Variants in RSL1D1 observed in about 807,000 individuals in gnomAD.
RSL1D1 encodes the protein ribosomal L1 domain containing 1.
Under a neutral mutation model 44.6 loss-of-function variants are expected in RSL1D1, and 34 were observed. The observed-to-expected ratio is 0.76, with a 90% CI of 0.58 to 1.02. The LOEUF (loss-of-function observed/expected upper bound fraction) is 1.02. Among genes scored for constraint, RSL1D1 ranks in the 50% least tolerant of loss-of-function variants. RSL1D1 has a pLI of 0.00. For missense variants in RSL1D1, 767 were observed against 568.1 expected (o/e 1.35, Z -3.56); for synonymous variants, 271 against 207.4 (o/e 1.31, Z -2.63).
At chr16:11,839,583 GT>G in intron 8 of RSL1D1, 111 bp downstream of exon 8, 1 of 1,342,938 alleles carries the variant, frequency 7.4e-7, no homozygotes, top group Non-Finnish European at 9.9e-7. Flanking sequence ...CACCTTCACA[GT>G]TCTTTGGGTT....
chr16:11,837,765 C>T lies in RSL1D1; in HGVS notation c.*22G>A, dbSNP rs764718878. Reference sequence around the variant, plus strand: ...AGCTCTGGAGGCAGCATTGAGGTTTCCTTCCAGTTGAATCACTGACTTTAG... The same window carrying T: ...AGCTCTGGAGGCAGCATTGAGGTTTTCTTCCAGTTGAATCACTGACTTTAG... On this transcript the variant is annotated 3_prime_UTR_variant, in exon 9 of 9. Transcript: ENST00000571133. 1.5e-5 allele frequency: 24 copies of T among 1,577,240 alleles called. No individual in the cohort carries two copies. The highest frequency in any genetic ancestry group is 7.5e-5 in the Admixed American group (4 of 53,138).
chr16:11,844,901 C>A (rs2053787239), intron 5 of RSL1D1, among the ~76,000 whole-genome samples: 1 of 152,196 alleles, frequency 6.6e-6, no homozygotes, highest in Non-Finnish European at 1.5e-5. Context: ...CACTTCTCAG[C>A]CTAATAAAAT....
chr16:11,843,694 C>A lies in RSL1D1; in HGVS notation c.636-1694G>T, dbSNP rs545522122. ...CCATCCTGGTTAACATGGTAAAACA[C>A]CGTCTCTACTAAAAAAATACAAAAA... On this transcript the variant is annotated intron_variant, in intron 5 of 8. Coordinates refer to ENST00000571133, the MANE Select transcript of RSL1D1 (RefSeq NM_015659.3). Among the ~76,000 whole-genome samples, 136 of 151,648 alleles carry A rather than the reference C, an allele frequency of 9.0e-4. 1 individual carries two copies. Among genetic ancestry groups the A allele is most frequent in the African/African-American group, 3.0e-3 (123 of 41,408 alleles).
In RSL1D1 at chr16:11,839,885, T is replaced by C. The variant is rs777317849; in HGVS notation, c.956A>G (p.Asp319Gly). The change falls in exon 8 of 9, where the codon GAT (aspartate) becomes GGT (glycine). Residue 319 changes from aspartate (D) to glycine (G), a missense_variant. Asp to Gly is a moderately conservative substitution (Grantham distance 94, BLOSUM62 -1). Transcript: ENST00000571133. ...ATCACCACTTTCAGGTGCCACATCA[T>C]CTTTACTAAGAACTGATGCAGTCTT... ...ARKTASVLSKDDVAPESGDTT... is the reference protein window; with the variant it reads ...ARKTASVLSKGDVAPESGDTT... 1 of 1,614,184 alleles carries C rather than the reference T, an allele frequency of 6.2e-7. No individual in the cohort carries two copies. Among genetic ancestry groups the C allele is most frequent in the Non-Finnish European group, 8.5e-7 (1 of 1,180,034 alleles).
Position 11,851,444 on chromosome 16 carries a change from C to G in RSL1D1, c.69G>C (p.Ala23=), listed in dbSNP as rs754627312. The change falls in exon 1 of 9, where the codon GCG becomes GCC. Residue 23 remains alanine (A), a synonymous_variant. Coordinates refer to ENST00000571133, the MANE Select transcript of RSL1D1 (RefSeq NM_015659.3). ...CCAGCTGCTTCCGTGCTGTCGGGGC[C>G]GCTGGAGTCGAGGTGGAGGTTCCAG... ...AATGTSTSTP[A]APTARKQLDK... is the part of the protein sequence containing the mutation. The G allele has an allele frequency of 3.1e-6, 5 of 1,614,002 alleles. No individual in the cohort carries two copies. The African/African-American group carries it at 5.3e-5, about 17-fold the overall frequency.
At chr16:11,845,374 G>A in intron 5 of RSL1D1, among the ~76,000 whole-genome samples, 1 of 152,318 alleles carries the variant, frequency 6.6e-6, no homozygotes. Context: ...GATTGCTTGA[G>A]CCAAGGAGTT....
chr16:11,842,912 C>T (rs572123254), intron 5 of RSL1D1, among the ~76,000 whole-genome samples: 30 of 139,552 alleles, frequency 2.1e-4, no homozygotes, highest in Non-Finnish European at 3.6e-4. Flanking sequence ...CATGCCACCA[C>T]GCCCAGCTAA....
rs1024911644 is a variant in RSL1D1, at chr16:11,850,447, G to A, written c.106-29C>T. ...CAAAGTGGAAATTAGACAAATAAGT[G>A]AAATGTTTTCACAATAACTTACACA... is the stretch of plus-strand genomic sequence containing the variant. On this transcript the variant is annotated intron_variant, in intron 1 of 8. Coordinates refer to ENST00000571133, the MANE Select transcript of RSL1D1 (RefSeq NM_015659.3). 3.8e-6 allele frequency: 6 copies of A among 1,585,404 alleles called. No individual in the cohort carries two copies. In the African/African-American group the frequency reaches 8.2e-5, roughly 22 times the overall value.
rs904747462 is a variant in RSL1D1, at chr16:11,835,160, C to T, written c.*2627G>A. ...AAAACAGCAAAAGCAGGCTAGACTC[C>T]TCTAATTTCAGGGAGAGCTAGATGT... On this transcript the variant is annotated 3_prime_UTR_variant, in exon 9 of 9. Coordinates refer to ENST00000571133, the MANE Select transcript of RSL1D1 (RefSeq NM_015659.3). The T allele has an allele frequency of 6.6e-6, 1 of 152,152 alleles. No individual in the cohort carries two copies. Among genetic ancestry groups the T allele is most frequent in the Admixed American group, 6.6e-5 (1 of 15,240 alleles). 9.4% of individuals were successfully genotyped at this position (152,152 alleles called of 1,614,324 possible). A position where few individuals can be genotyped will look rare whatever the true frequency, so the allele number is the denominator to read the frequency against.
intron 7 of RSL1D1, 121 bp from the exon 8 acceptor site, chr16:11,840,106 C>T: frequency 2.8e-6 from 4 of 1,452,538 alleles, no homozygotes; most frequent in Non-Finnish European, 3.7e-6. Context: ...TCGATCTATA[C>T]AGAGAACAAA....
At chr16:11,851,190 T>A in intron 1 of RSL1D1, 1 of 612,966 alleles carries the variant, frequency 1.6e-6, no homozygotes, top group Non-Finnish European at 2.9e-6. Flanking sequence ...CACAGCACAC[T>A]TGCAACCCAA....
chr16:11,849,516 T>C (rs769169701), intron 2 of RSL1D1: 1 of 152,220 alleles, frequency 6.6e-6, no homozygotes, highest in African/African-American at 2.4e-5. Flanking sequence ...ACTCATTTCT[T>C]ATGCTTACAA....
chr16:11,851,460 G>T lies in RSL1D1; in HGVS notation c.53C>A (p.Ser18Tyr), dbSNP rs1288545108. ...SLSSAAATGT[S>Y]TSTPAAPTAR... ...TGTCGGGGCCGCTGGAGTCGAGGTG[G>T]AGGTTCCAGTAGCGGCTGCAGAAGA... The change falls in exon 1 of 9, where the codon TCC (serine) becomes TAC (tyrosine). Residue 18 changes from serine to tyrosine, a missense_variant. By Grantham distance (144) the Ser-to-Tyr change is moderately radical. Coordinates refer to ENST00000571133, the MANE Select transcript of RSL1D1 (RefSeq NM_015659.3). The T allele has an allele frequency of 6.2e-7, 1 of 1,614,120 alleles. No individual in the cohort carries two copies. The highest frequency in any genetic ancestry group is 8.5e-7 in the Non-Finnish European group (1 of 1,180,000).
At chr16:11,846,218 C>T (rs2053796659) in intron 5 of RSL1D1, among the ~76,000 whole-genome samples, 1 of 151,210 alleles carries the variant, frequency 6.6e-6, no homozygotes, top group African/African-American at 2.4e-5. Flanking sequence ...CGGTGAAACC[C>T]TGTCTCTACT....
rs2053710733 is a variant in RSL1D1 at position 11,835,589 on chromosome 16, G to T, written c.*2198C>A. 6.6e-6 allele frequency: 1 copy of T among 152,236 alleles called. No homozygotes were observed. 9.4% of individuals were successfully genotyped at this position (152,236 alleles called of 1,614,324 possible). On this transcript the variant is annotated 3_prime_UTR_variant, in exon 9 of 9. Coordinates refer to ENST00000571133, the MANE Select transcript of RSL1D1 (RefSeq NM_015659.3). ...GCCCATTGCAGCCTCTACCTCCCGG[G>T]TTCAAGCAATCCTCCCACCTCAGCC...
chr16:11,846,564 G>C lies in RSL1D1; in HGVS notation c.572C>G (p.Ser191Ter), dbSNP rs1196123806. 17 of 1,608,732 alleles carry C rather than the reference G, an allele frequency of 1.1e-5. No homozygotes were observed. Among genetic ancestry groups the C allele is most frequent in the Non-Finnish European group, 1.4e-5 (16 of 1,177,734 alleles). ...VSVNLLSKNL[S>*]REINDCIGGT... ...ACCTATACAGTCATTGATCTCTCTT[G>C]ATAAATTCTTGGACAGAAGGTTTAC... Residue 191 changes from serine (S) to a stop codon, truncating the protein, a stop_gained, in exon 5 of 9, where the codon TCA (serine) becomes TGA (stop). Transcript: ENST00000571133. LOFTEE classifies it high-confidence loss of function.
Position 11,851,325 on chromosome 16 carries a change from C to G in RSL1D1, c.105+83G>C, listed in dbSNP as rs1200272505. 77 of 1,295,340 alleles carry G rather than the reference C, an allele frequency of 5.9e-5. 1 individual carries two copies. In the South Asian group the frequency reaches 7.7e-4, roughly 13 times the overall value. 80.2% of individuals were successfully genotyped at this position (1,295,340 alleles called of 1,614,324 possible). A position where few individuals can be genotyped will look rare whatever the true frequency, so the allele number is the denominator to read the frequency against. ...CACAGCCCCGGGGAAGTCCGCCGAG[C>G]ACGCACTCGGGTTCCGGCACCCTGC... On this transcript the variant is annotated intron_variant, in intron 1 of 8. Coordinates refer to ENST00000571133, the MANE Select transcript of RSL1D1 (RefSeq NM_015659.3).
intron 3 of RSL1D1, among the ~76,000 whole-genome samples, chr16:11,847,405 A>G (rs1187276831): frequency 1.3e-5 from 2 of 152,132 alleles, no homozygotes; most frequent in Non-Finnish European, 2.9e-5. Flanking sequence ...TTAGATCCAG[A>G]GGGTAATAAA....
intron 8 of RSL1D1, among the ~76,000 whole-genome samples, chr16:11,838,481 G>A (rs1037170351): frequency 1.3e-5 from 2 of 151,972 alleles, no homozygotes; most frequent in Admixed American, 6.6e-5. Context: ...GTTTTTCAGC[G>A]CATGGCCAAG....
Sources: allele counts gnomAD v4.1 joint callset (sites outside exome capture counted in the v4.1 genomes callset), GRCh38; gene constraint gnomAD v4.1.1; transcripts MANE v1.5; gene names NCBI Gene and HGNC (gene_info 2026-07-23, HGNC 2026-07-21).